Variants in CCDC171 observed in about 807,000 individuals in gnomAD.
The protein encoded by CCDC171 is coiled-coil domain-containing protein 171.
In CCDC171, 177 loss-of-function variants were observed where a neutral mutation model predicts 168.2. The ratio of observed to expected loss-of-function variants is 1.05; its 90% CI spans 0.93 to 1.19. CCDC171 has a LOEUF of 1.19. Ranked by LOEUF, CCDC171 falls within the 50% of genes most tolerant of loss-of-function variation. The pLI is 0.00. For synonymous variants in CCDC171, 687 were observed against 540.8 expected, an observed-to-expected ratio of 1.27 and a Z score of -3.75; for missense variants, 1,991 against 1,539.0, an observed-to-expected ratio of 1.29 and a Z score of -4.91.
intron 11 of CCDC171, among the ~76,000 whole-genome samples, chr9:15,702,898 C>T (rs1307639141): frequency 7.4e-6 from 1 of 134,394 alleles, no homozygotes; most frequent in African/African-American, 2.7e-5. Flanking sequence ...GAGTTAGGGC[C>T]TTGGTTTTTT....
intron 18 of CCDC171, among the ~76,000 whole-genome samples, chr9:15,755,150 A>C (rs1007553498): frequency 1.3e-5 from 2 of 152,156 alleles, no homozygotes; most frequent in Admixed American, 1.3e-4. Flanking sequence ...AGATAATAGG[A>C]AGTCTAGAGG....
intron 1 of CCDC171, chr9:16,042,973 C>G (rs187051520): frequency 6.6e-6 from 1 of 152,110 alleles, no homozygotes; most frequent in Non-Finnish European, 1.5e-5. Context: ...TGCTATTTTC[C>G]TGCTTTAAAA....
chr9:15,623,599 T>C (rs2044759018), intron 7 of CCDC171, among the ~76,000 whole-genome samples, 186 bp downstream of exon 7: 1 of 152,106 alleles, frequency 6.6e-6, no homozygotes, highest in Non-Finnish European at 1.5e-5. Context: ...AATGTATATT[T>C]GGCTTCTTTG....
intron 18 of CCDC171, among the ~76,000 whole-genome samples, chr9:15,772,794 A>C (rs1245054984): frequency 6.6e-6 from 1 of 152,164 alleles, no homozygotes; most frequent in Non-Finnish European, 1.5e-5. Flanking sequence ...GAGCGGGAAG[A>C]CTAGAGAAGA....
At chr9:15,746,837 G>A (rs969711350) in intron 18 of CCDC171, among the ~76,000 whole-genome samples, 4 of 152,180 alleles carry the variant, frequency 2.6e-5, no homozygotes, top group South Asian at 2.1e-4. Flanking sequence ...GGGGATTTTC[G>A]TTTCCTAGCC....
At chr9:15,578,199 TTTTG>T (rs1231310261) in intron 3 of CCDC171, among the ~76,000 whole-genome samples, 4 of 151,790 alleles carry the variant, frequency 2.6e-5, no homozygotes, top group Non-Finnish European at 4.4e-5. Context: ...TCATGCATTT[TTTTG>T]TTTGTTTGTT....
At position 15,997,831 on chromosome 9, in the gene CCDC171, C is replaced by T. The variant is rs529066040; in HGVS notation, n.369-22758C>T. ...TGGCAAGGAGGTACCAGGGTGTGCC[C>T]AAGTGGATCACCCAGGTTTAACACG... On this transcript the variant is annotated intron_variant and non_coding_transcript_variant, in intron 3 of 9. Coordinates refer to the CCDC171 transcript ENST00000486641. 3.2e-4 allele frequency among the ~76,000 whole-genome samples: 49 copies of T among 152,222 alleles called. 1 individual carries two copies. Among genetic ancestry groups the T allele is most frequent in the Middle Eastern group, 6.8e-3 (2 of 294 alleles).
At chr9:15,834,734 G>T (rs1001028702) in intron 21 of CCDC171, among the ~76,000 whole-genome samples, 5 of 152,186 alleles carry the variant, frequency 3.3e-5, no homozygotes, top group African/African-American at 1.2e-4. Context: ...TTTATCTTGT[G>T]CTAGCAAAAG....
chr9:15,922,977 T>G (rs1034124567), intron 25 of CCDC171, among the ~76,000 whole-genome samples: 12 of 151,638 alleles, frequency 7.9e-5, no homozygotes, highest in Admixed American at 2.6e-4. Context: ...GTCACATGTA[T>G]AGCTTGCAAA....
At chr9:15,672,949 A>G (rs2049231790) in intron 9 of CCDC171, among the ~76,000 whole-genome samples, 1 of 152,208 alleles carries the variant, frequency 6.6e-6, no homozygotes. Flanking sequence ...CTTGGGCAGT[A>G]TAGCCATTTT....
chr9:15,702,422 A>G (rs1482082894), intron 11 of CCDC171, among the ~76,000 whole-genome samples: 1 of 151,362 alleles, frequency 6.6e-6, no homozygotes, highest in Non-Finnish European at 1.5e-5. Context: ...TTCTATATCT[A>G]CTCTCCCTCT....
intron 21 of CCDC171, among the ~76,000 whole-genome samples, chr9:15,830,196 TATC>T (rs377610702): frequency 5.3e-5 from 8 of 152,210 alleles, no homozygotes; most frequent in African/African-American, 1.7e-4. Context: ...TTAAATTAAA[TATC>T]ATTATGAGAA....
At chr9:15,824,443 G>GTGT (rs1252653558) in intron 21 of CCDC171, among the ~76,000 whole-genome samples, 4 of 151,846 alleles carry the variant, frequency 2.6e-5, no homozygotes, top group African/African-American at 9.7e-5. Flanking sequence ...TGTCATTTGC[G>GTGT]TGTTCAGTCT....
intron 18 of CCDC171, among the ~76,000 whole-genome samples, chr9:15,764,224 G>C (rs533076267): frequency 6.6e-6 from 1 of 152,330 alleles, no homozygotes; most frequent in Admixed American, 6.5e-5. Flanking sequence ...ACTATGGTAA[G>C]AACTTTAGAT....
intron 24 of CCDC171, among the ~76,000 whole-genome samples, chr9:15,878,490 G>T (rs1183863558): frequency 6.6e-6 from 1 of 152,152 alleles, no homozygotes; most frequent in Non-Finnish European, 1.5e-5. Context: ...AGATGCTGAT[G>T]AGGTTGTGGA....
At chr9:15,641,817 A>T (rs1279731908) in intron 7 of CCDC171, among the ~76,000 whole-genome samples, 1 of 152,182 alleles carries the variant, frequency 6.6e-6, no homozygotes, top group Non-Finnish European at 1.5e-5. Flanking sequence ...AGGAAAGGAC[A>T]TGGCAGTCAG....
Position 15,564,094 on chromosome 9 carries a change from T to C in CCDC171, c.6T>C (p.Asn2=). 6.2e-7 allele frequency: 1 copy of C among 1,605,886 alleles called. No homozygotes were observed. The highest frequency in any genetic ancestry group is 8.5e-7 in the Non-Finnish European group (1 of 1,175,238). ...TGAAAGAGTTGGAAAACATCATGAA[T>C]TTGAATACTTCAAGTAATACTGGTG... M[N]LNTSSNTGDT... is the part of the protein sequence containing the mutation. The change falls in exon 2 of 26, where the codon AAT becomes AAC. Residue 2 remains asparagine, a synonymous_variant. Transcript: ENST00000380701.
chr9:15,640,742 T>C (rs2046543448), intron 7 of CCDC171, among the ~76,000 whole-genome samples: 1 of 152,158 alleles, frequency 6.6e-6, no homozygotes, highest in East Asian at 1.9e-4. Flanking sequence ...CAGTTCTTAA[T>C]TATGACCCTT....
Position 15,623,414 on chromosome 9 carries a change from G to A in CCDC171, c.822+1G>A, listed in dbSNP as rs1214714375. The A allele has an allele frequency of 1.3e-6, 2 of 1,534,118 alleles. No individual in the cohort carries two copies. Reference sequence around the variant, plus strand: ...GGAACGCCTTAGAAAAGAATTTGAGGTACATTTTCTCATTCCTTTATAATA... The same window carrying A: ...GGAACGCCTTAGAAAAGAATTTGAGATACATTTTCTCATTCCTTTATAATA... On this transcript the variant is annotated splice_donor_variant, in intron 7 of 25. Transcript: ENST00000380701. LOFTEE classifies it high-confidence loss of function.
Sources: gnomAD v4.1 joint callset for allele counts (sites outside exome capture counted in the v4.1 genomes callset) on GRCh38, gnomAD v4.1.1 for gene constraint, MANE v1.5 for transcripts, NCBI Gene and HGNC (gene_info 2026-07-23, HGNC 2026-07-21) for gene names.